TAOK3: variants seen among roughly 807,000 people sequenced by gnomAD.
The protein encoded by TAOK3 is serine/threonine-protein kinase TAO3.
Under a neutral mutation model 120.4 loss-of-function variants are expected in TAOK3, and 40 were observed. The observed-to-expected ratio is 0.33, with a 90% CI of 0.26 to 0.43. TAOK3 has a LOEUF of 0.43. Ranked by LOEUF, TAOK3 falls within the 20% of genes least tolerant of loss-of-function variation. The pLI is 1.00. For missense variants in TAOK3, 821 were observed against 1,112.1 expected, an observed-to-expected ratio of 0.74 and a Z score of 3.72; for synonymous variants, 355 against 387.5, an observed-to-expected ratio of 0.92 and a Z score of 0.99.
intron 9 of TAOK3, among the ~76,000 whole-genome samples, chr12:118,220,967 C>G (rs1269611082): frequency 1.3e-5 from 2 of 152,190 alleles, no homozygotes; most frequent in Non-Finnish European, 2.9e-5. Context: ...ACTGCTGAGC[C>G]AGAATACTAC....
Position 118,160,447 on chromosome 12 carries a change from G to C in TAOK3, c.2140-89C>G. 2 of 1,124,562 alleles carry C rather than the reference G, an allele frequency of 1.8e-6. No homozygotes were observed. Among genetic ancestry groups the C allele is most frequent in the East Asian group, 2.4e-5 (1 of 42,390 alleles). 69.7% of individuals were successfully genotyped at this position (1,124,562 alleles called of 1,614,324 possible). ...CATAATGATATAATACAAGTGCTGAGAGCGTCTGTTTTTTGGTGCAGTGAC... is the reference window on the plus strand; with the variant it reads ...CATAATGATATAATACAAGTGCTGACAGCGTCTGTTTTTTGGTGCAGTGAC... On this transcript the variant is annotated intron_variant, in intron 18 of 20. Transcript: ENST00000392533. This position sits in a 1 kb window ranked among gnomAD's most constrained non-coding sequence, Gnocchi z 4.2.
chr12:118,166,436 G>A (rs1265110584), intron 17 of TAOK3, among the ~76,000 whole-genome samples: 2 of 151,976 alleles, frequency 1.3e-5, no homozygotes, highest in Non-Finnish European at 2.9e-5. Context: ...TACTTGGGAG[G>A]CTGAGGCAGG....
intron 11 of TAOK3, among the ~76,000 whole-genome samples, chr12:118,202,343 T>C (rs2038065419): frequency 6.6e-6 from 1 of 152,220 alleles, no homozygotes; most frequent in Non-Finnish European, 1.5e-5. Flanking sequence ...ACAGGTATTT[T>C]TATGAGGTGC....
intron 2 of TAOK3, among the ~76,000 whole-genome samples, chr12:118,258,357 C>T (rs1212676677): frequency 1.3e-5 from 2 of 152,160 alleles, no homozygotes. Context: ...TACATCAATA[C>T]TACTGGGAAA....
In TAOK3 at chr12:118,161,747, C is replaced by T. The variant is rs771887851; in HGVS notation, c.2139+41G>A. 3.1e-6 allele frequency: 5 copies of T among 1,605,672 alleles called. No homozygotes were observed. Among genetic ancestry groups the T allele is most frequent in the Non-Finnish European group, 4.3e-6 (5 of 1,174,280 alleles). On this transcript the variant is annotated intron_variant, in intron 18 of 20. Coordinates refer to ENST00000392533, the MANE Select transcript of TAOK3 (RefSeq NM_016281.4). This position sits in a 1 kb window ranked among gnomAD's most constrained non-coding sequence, Gnocchi z 4.5. ...ACTCTGACACTTCAGGTAGAGAAAC[C>T]ACTGATCTGGTCCAACACTGTCCAG...
chr12:118,365,109 T>A (rs1176138537), intron 1 of TAOK3, among the ~76,000 whole-genome samples: 1 of 152,202 alleles, frequency 6.6e-6, no homozygotes, highest in Admixed American at 6.5e-5. Context: ...CCAAAATAGG[T>A]GCCTAGATCT....
intron 13 of TAOK3, among the ~76,000 whole-genome samples, chr12:118,192,171 AAAGCCAC>A (rs1221661852): frequency 6.6e-6 from 1 of 152,206 alleles, no homozygotes; most frequent in African/African-American, 2.4e-5. Context: ...TCTCCAATTA[AAAGCCAC>A]AATGTATTTT....
In TAOK3 at chr12:118,172,559, G is replaced by A. The variant is rs538340533; in HGVS notation, c.1797C>T (p.His599=). 5 of 1,614,172 alleles carry A rather than the reference G, an allele frequency of 3.1e-6. No homozygotes were observed. The Admixed American group carries it at 6.7e-5, about 22-fold the overall frequency. Residue 599 remains histidine, a synonymous_variant, in exon 17 of 21, where the codon CAC becomes CAT. Coordinates refer to ENST00000392533, the MANE Select transcript of TAOK3 (RefSeq NM_016281.4). ...LQHTQAEEEA[H]LLTQQRLYYD... ...AGTACAGTCTCTGTTGAGTGAGAAG[G>A]TGGGCTTCCTCTTCAGCCTGTGTGT...
chr12:118,152,889 ATAG>A (rs1383240335), intron 19 of TAOK3: 2 of 153,780 alleles, frequency 1.3e-5, no homozygotes, highest in East Asian at 1.9e-4. Context: ...TTTTCAATAA[ATAG>A]TAGTGGTTAT....
intron 5 of TAOK3, among the ~76,000 whole-genome samples, chr12:118,240,402 C>T (rs970293071): frequency 1.3e-5 from 2 of 152,134 alleles, no homozygotes; most frequent in Non-Finnish European, 2.9e-5. Context: ...TGGTCTCAAA[C>T]TCCTGACCTC....
At chr12:118,306,117 T>C (rs1328264938) in intron 1 of TAOK3, among the ~76,000 whole-genome samples, 4 of 152,126 alleles carry the variant, frequency 2.6e-5, no homozygotes, top group Non-Finnish European at 5.9e-5. Context: ...CTCTTAAAGC[T>C]CGACCACTGC....
chr12:118,164,231 G>C (rs1397147303), intron 17 of TAOK3, among the ~76,000 whole-genome samples: 7 of 151,136 alleles, frequency 4.6e-5, no homozygotes, highest in Non-Finnish European at 8.8e-5. Context: ...GAAGGCTGAG[G>C]CAGGAGAATG....
At chr12:118,173,544 C>CT (rs1240391400) in intron 16 of TAOK3, among the ~76,000 whole-genome samples, 1 of 152,200 alleles carries the variant, frequency 6.6e-6, no homozygotes, top group African/African-American at 2.4e-5. Context: ...AGTGACAAGA[C>CT]TGAGAGAAGC....
chr12:118,176,960 T>G (rs1213229227), intron 16 of TAOK3, among the ~76,000 whole-genome samples: 2 of 151,994 alleles, frequency 1.3e-5, no homozygotes, highest in Non-Finnish European at 2.9e-5. Flanking sequence ...AGAGACGAGG[T>G]TTCACCATGT....
intron 1 of TAOK3, among the ~76,000 whole-genome samples, chr12:118,309,569 G>A (rs907091042): frequency 7.9e-5 from 12 of 151,422 alleles, no homozygotes; most frequent in African/African-American, 2.4e-4. Context: ...AGGCTGGAGT[G>A]CAATGGCACG....
intron 11 of TAOK3, among the ~76,000 whole-genome samples, chr12:118,205,399 T>C (rs1334115867): frequency 1.3e-5 from 2 of 151,770 alleles, no homozygotes; most frequent in Non-Finnish European, 2.9e-5. Context: ...TTTTTCTTTT[T>C]CAAAGTGAGA....
intron 13 of TAOK3, among the ~76,000 whole-genome samples, chr12:118,196,693 A>G (rs2037746662): frequency 6.6e-6 from 1 of 152,216 alleles, no homozygotes; most frequent in African/African-American, 2.4e-5. Flanking sequence ...CTGTAAAGAT[A>G]GCTAAGATTA....
chr12:118,240,568 T>C (rs1387562320), intron 5 of TAOK3, among the ~76,000 whole-genome samples: 7 of 151,968 alleles, frequency 4.6e-5, no homozygotes, highest in Non-Finnish European at 8.8e-5. Context: ...CTGGTCTTGA[T>C]CTCCTGACCT....
chr12:118,225,107 G>A (rs1313156719), intron 9 of TAOK3, among the ~76,000 whole-genome samples: 6 of 151,824 alleles, frequency 4.0e-5, no homozygotes, highest in South Asian at 4.2e-4. Context: ...AATTAGCCGG[G>A]AGTGGTGGTG....
Sources: gnomAD v4.1 joint callset for allele counts (sites outside exome capture counted in the v4.1 genomes callset) on GRCh38, gnomAD v4.1.1 for gene constraint, Gnocchi (gnomAD v3.1) non-coding constraint, MANE v1.5 for transcripts, NCBI Gene and HGNC (gene_info 2026-07-23, HGNC 2026-07-21) for gene names.